Variants in ZNF367 observed in about 807,000 individuals in gnomAD.
ZNF367 encodes the protein zinc finger protein 367.
In ZNF367, 11 loss-of-function variants were observed where a neutral mutation model predicts 31.8. The observed-to-expected ratio is 0.35, with a 90% CI of 0.22 to 0.57. The LOEUF is 0.57. ZNF367 is among the 20% of genes least tolerant of loss of function. The pLI is 0.85. For synonymous variants in ZNF367, 199 were observed against 202.4 expected (o/e 0.98, Z 0.14); for missense variants, 353 against 484.1 (o/e 0.73, Z 2.54).
At position 96,401,182 on chromosome 9, in the gene ZNF367, C is replaced by A. The variant is rs560628912; in HGVS notation, c.421-2868G>T. On this transcript the variant is annotated intron_variant, in intron 1 of 4. Transcript: ENST00000375256. ...TCAAGGCTGCAATGAGCCATGATCG[C>A]GCCACTGGACTTCAGCCTGGGGACA... 3.9e-5 allele frequency among the ~76,000 whole-genome samples: 6 copies of A among 152,094 alleles called. No individual in the cohort carries two copies. The East Asian group carries it at 1.2e-3, about 30-fold the overall frequency.
At chr9:96,416,907 T>G (rs1343797866) in intron 1 of ZNF367, among the ~76,000 whole-genome samples, 1 of 152,186 alleles carries the variant, frequency 6.6e-6, no homozygotes, top group African/African-American at 2.4e-5. Context: ...TAGTCCCCGC[T>G]CTTCCACTAC....
rs1187599895 is a variant in ZNF367, at chr9:96,392,531, G to A, written c.697C>T (p.Leu233=). ...CGGTTTGCATGGGTGAATCTGCTCA[G>A]GCAGCCTTCAAAACACAAGGTTAAC... ...KPFVCSENGC[L]SRFTHANRHC... is the part of the protein sequence containing the mutation. The change falls in exon 4 of 5, where the codon CTG becomes TTG. Residue 233 remains leucine, a synonymous_variant. Coordinates refer to ENST00000375256, the MANE Select transcript of ZNF367 (RefSeq NM_153695.4). The A allele has an allele frequency of 2.5e-6, 4 of 1,601,810 alleles. No individual in the cohort carries two copies. In the African/African-American group the frequency reaches 5.4e-5, roughly 21 times the overall value.
At chr9:96,401,064 A>G (rs945490048) in intron 1 of ZNF367, among the ~76,000 whole-genome samples, 8 of 152,140 alleles carry the variant, frequency 5.3e-5, no homozygotes, top group Non-Finnish European at 1.2e-4. Flanking sequence ...CATGTCTACA[A>G]ATAATTTAAA....
At chr9:96,401,450 C>G (rs923371340) in intron 1 of ZNF367, among the ~76,000 whole-genome samples, 1 of 151,986 alleles carries the variant, frequency 6.6e-6, no homozygotes, top group Admixed American at 6.6e-5. Flanking sequence ...CACCTGAGGT[C>G]AAGAGTTCGA....
At position 96,417,961 on chromosome 9, in the gene ZNF367, G is replaced by A. The variant is rs141683626; in HGVS notation, c.72C>T (p.His24=). Residue 24 remains histidine (H), a synonymous_variant, in exon 1 of 5, where the codon CAC becomes CAT. Transcript: ENST00000375256. The surrounding 1 kb of genome is among the most constrained non-coding windows in gnomAD (Gnocchi z 5.0). ...PPPPPPVIFC[H]DSPKRVLVSV... The stretch of plus-strand genomic sequence containing the variant: ...ACACCAGCACCCGCTTCGGGGAGTC[G>A]TGGCAGAAGATGACGGGCGGCGGCG... 0.032 allele frequency: 47,842 copies of A among 1,488,596 alleles called. 890 individuals carry two copies. Among genetic ancestry groups the A allele is most frequent in the Middle Eastern group, 0.052 (284 of 5,458 alleles). The allele number at this position is 1,488,596 out of a possible 1,614,324, so 92.2% of individuals were successfully genotyped here.
intron 1 of ZNF367, among the ~76,000 whole-genome samples, chr9:96,402,596 G>A (rs1169593924): frequency 1.4e-5 from 2 of 142,640 alleles, no homozygotes; most frequent in East Asian, 4.1e-4. Context: ...GGGATTACAA[G>A]TGCCCACCAC....
In ZNF367 at chr9:96,407,730, T is replaced by G. The variant is rs748195763; in HGVS notation, c.421-9416A>C. On this transcript the variant is annotated intron_variant, in intron 1 of 4. Coordinates refer to ENST00000375256, the MANE Select transcript of ZNF367 (RefSeq NM_153695.4). Reference sequence around the variant, plus strand: ...AGAAGGCATGGAAGAGGATAGTTACTAACGTGTGCTTTGTTGGAGATGGCT... The same window carrying G: ...AGAAGGCATGGAAGAGGATAGTTACGAACGTGTGCTTTGTTGGAGATGGCT... The G allele has an allele frequency of 2.5e-4, 339 of 1,373,976 alleles. 1 individual carries two copies. The highest frequency in any genetic ancestry group is 3.2e-4 in the Non-Finnish European group (321 of 997,036). 85.1% of individuals were successfully genotyped at this position (1,373,976 alleles called of 1,614,324 possible). A position where few individuals can be genotyped will look rare whatever the true frequency, so the allele number is the denominator to read the frequency against.
At chr9:96,409,724 G>A (rs935330646) in intron 1 of ZNF367, among the ~76,000 whole-genome samples, 3 of 152,186 alleles carry the variant, frequency 2.0e-5, no homozygotes, top group African/African-American at 7.2e-5. Context: ...GTGATCCTCA[G>A]TAGCCACATA....
intron 1 of ZNF367, among the ~76,000 whole-genome samples, chr9:96,404,154 C>A (rs930176665): frequency 2.0e-5 from 3 of 151,798 alleles, no homozygotes; most frequent in African/African-American, 4.8e-5. Context: ...CAGAGTGAGA[C>A]CCTGTCTCAA....
chr9:96,394,983 G>C, intron 2 of ZNF367, 41 bp from the exon 3 acceptor site: 2 of 1,608,836 alleles, frequency 1.2e-6, no homozygotes, highest in Non-Finnish European at 1.7e-6. Flanking sequence ...GAGATAATAA[G>C]GCCAGAAGAG....
intron 1 of ZNF367, among the ~76,000 whole-genome samples, chr9:96,412,249 C>T (rs2145985): frequency 0.24 from 36,844 of 152,050 alleles, 6,169 homozygotes; most frequent in African/African-American, 0.48. Context: ...AGACTGTTGA[C>T]GATTCGCAAC....
At chr9:96,411,077 T>G (rs1831742263) in intron 1 of ZNF367, among the ~76,000 whole-genome samples, 3 of 148,850 alleles carry the variant, frequency 2.0e-5, no homozygotes, top group Admixed American at 1.3e-4. Flanking sequence ...CATACACCTG[T>G]GGTCCCATAC....
At chr9:96,394,169 G>A (rs1743046995) in intron 3 of ZNF367, among the ~76,000 whole-genome samples, 1 of 152,094 alleles carries the variant, frequency 6.6e-6, no homozygotes, top group Non-Finnish European at 1.5e-5. Flanking sequence ...ATCTTTAATT[G>A]CCCTTTAAGG....
At position 96,398,260 on chromosome 9, in the gene ZNF367, C is replaced by T. The variant is rs757642912; in HGVS notation, c.475G>A (p.Glu159Lys). The T allele has an allele frequency of 7.4e-6, 12 of 1,613,738 alleles. No individual in the cohort carries two copies. Among genetic ancestry groups the T allele is most frequent in the Non-Finnish European group, 8.5e-6 (10 of 1,179,854 alleles). ...RADTVRDLINEGEHSSSRIRC... is the reference protein window; with the variant it reads ...RADTVRDLINKGEHSSSRIRC... ...ATTCTGCTGGATGAATGCTCTCCTT[C>T]ATTTATTAAATCGCGGACAGTATCT... is the stretch of plus-strand genomic sequence containing the variant. The change falls in exon 2 of 5, where the codon GAA becomes AAA. Residue 159 changes from glutamate to lysine, a missense_variant. Glu to Lys is a moderately conservative substitution (Grantham distance 56). Coordinates refer to ENST00000375256, the MANE Select transcript of ZNF367 (RefSeq NM_153695.4).
chr9:96,401,176 T>C (rs1350954880), intron 1 of ZNF367, among the ~76,000 whole-genome samples: 1 of 151,430 alleles, frequency 6.6e-6, no homozygotes, highest in Admixed American at 6.6e-5. Flanking sequence ...CAATGAGCCA[T>C]GATCGCGCCA....
intron 1 of ZNF367, among the ~76,000 whole-genome samples, chr9:96,399,682 G>C (rs567094057): frequency 6.6e-6 from 1 of 152,152 alleles, no homozygotes; most frequent in Non-Finnish European, 1.5e-5. Context: ...GCCAGGCATA[G>C]TGGCACACAC....
intron 2 of ZNF367, among the ~76,000 whole-genome samples, chr9:96,397,830 GC>G (rs1433067457): frequency 6.6e-6 from 1 of 151,848 alleles, no homozygotes; most frequent in East Asian, 1.9e-4. Context: ...GGTGGCTCAC[GC>G]CTGTAATCCC....
At position 96,418,075 on chromosome 9, in the gene ZNF367, C is replaced by T. The variant is rs1023968402; in HGVS notation, c.-43G>A. ...AGCTCCGGCGGCCCCGGGCCGCACT[C>T]CTGAGCACCGCTCTGCCCCTCACTC... On this transcript the variant is annotated 5_prime_UTR_variant, in exon 1 of 5. Transcript: ENST00000375256. 1.2e-5 allele frequency: 16 copies of T among 1,338,560 alleles called. 1 individual carries two copies. Among genetic ancestry groups the T allele is most frequent in the Middle Eastern group, 2.7e-4 (1 of 3,662 alleles). 82.9% of individuals were successfully genotyped at this position (1,338,560 alleles called of 1,614,324 possible).
chr9:96,398,644 T>G (rs1831563322), intron 1 of ZNF367, among the ~76,000 whole-genome samples: 1 of 152,128 alleles, frequency 6.6e-6, no homozygotes, highest in Non-Finnish European at 1.5e-5. Flanking sequence ...CAGATCAGCT[T>G]TGTCACAACT....
Sources: allele counts gnomAD v4.1 joint callset (sites outside exome capture counted in the v4.1 genomes callset), GRCh38; gene constraint gnomAD v4.1.1; non-coding constraint Gnocchi (gnomAD v3.1); transcripts MANE v1.5; gene names NCBI Gene and HGNC (gene_info 2026-07-23, HGNC 2026-07-21).